Variants in NOL8 observed in about 807,000 individuals in gnomAD.
NOL8 encodes nucleolar protein 8.
Under a neutral mutation model 116.1 loss-of-function variants are expected in NOL8, and 93 were observed. The ratio of observed to expected loss-of-function variants is 0.80; its 90% CI spans 0.68 to 0.95. NOL8 has a LOEUF of 0.95. Among genes scored for constraint, NOL8 ranks in the 40% least tolerant of loss-of-function variants. The pLI is 0.00. For synonymous variants in NOL8, 419 were observed against 469.0 expected, an observed-to-expected ratio of 0.89 and a Z score of 1.38; for missense variants, 1,291 against 1,382.8, an observed-to-expected ratio of 0.93 and a Z score of 1.05.
At chr9:92,324,737 T>G (rs1004320979) in intron 1 of NOL8, 1 of 152,056 alleles carries the variant, frequency 6.6e-6, no homozygotes, top group African/African-American at 2.4e-5. Context: ...TGGCACAATA[T>G]TATGTCACAA....
intron 3 of NOL8, among the ~76,000 whole-genome samples, chr9:92,322,555 C>G (rs774255135): frequency 6.6e-6 from 1 of 152,154 alleles, no homozygotes; most frequent in Non-Finnish European, 1.5e-5. Context: ...TGGGGTTTCA[C>G]CATGTTGGCC....
Position 92,315,177 on chromosome 9 carries a change from C to T in NOL8, c.1448G>A (p.Arg483His), listed in dbSNP as rs1474243404. The change falls in exon 7 of 17, where the codon CGT (arginine) becomes CAT (histidine). Residue 483 changes from arginine (R) to histidine (H), a missense_variant. Physicochemically the swap from Arg to His is conservative, Grantham distance 29 (BLOSUM62 0). Coordinates refer to ENST00000442668, the MANE Select transcript of NOL8 (RefSeq NM_017948.6). ...EYNAMMKNCLRVNLTLADLEQ... is the reference protein window; with the variant it reads ...EYNAMMKNCLHVNLTLADLEQ... ...CAAATCAGCTAAAGTGAGATTCACA[C>T]GAAGGCAGTTTTTCATCATGGCATT... is the stretch of plus-strand genomic sequence containing the variant. 8.7e-6 allele frequency: 14 copies of T among 1,613,986 alleles called. 1 individual carries two copies. The highest frequency in any genetic ancestry group is 4.0e-5 in the African/African-American group (3 of 75,048).
At chr9:92,318,195 C>T (rs1312337834) in intron 6 of NOL8, among the ~76,000 whole-genome samples, 9 of 152,024 alleles carry the variant, frequency 5.9e-5, no homozygotes, top group Non-Finnish European at 1.0e-4. Flanking sequence ...TTTCTCAACC[C>T]ACCATCCTCG....
At position 92,323,441 on chromosome 9, in the gene NOL8, AT is replaced by A; in HGVS notation, c.201del (p.Lys67AsnfsTer6). On this transcript the variant is annotated frameshift_variant and splice_region_variant, in exon 3 of 17. Transcript: ENST00000442668. LOFTEE classifies it high-confidence loss of function. ...TATAGAAAATATATGATGATCTTAC[AT>A]TTTTTCAGGTCCGCTTCTGCTACAC... is the stretch of plus-strand genomic sequence containing the variant. ...NISVAEADLK[K>X]CMSVLNKTKW... is the part of the protein sequence containing the mutation. 1 of 1,602,300 alleles carries A rather than the reference AT, an allele frequency of 6.2e-7. No homozygotes were observed.
rs764549506 is a variant in NOL8 at position 92,315,202 on chromosome 9, T to A, written c.1423A>T (p.Asn475Tyr). The A allele has an allele frequency of 6.2e-7, 1 of 1,614,004 alleles. No individual in the cohort carries two copies. Among genetic ancestry groups the A allele is most frequent in the Non-Finnish European group, 8.5e-7 (1 of 1,179,884 alleles). ...CGAAGGCAGTTTTTCATCATGGCAT[T>A]ATACTCCTCACCTCCTTCAGAGTCA... ...LADSEGGEEY[N>Y]AMMKNCLRVN... Residue 475 changes from asparagine to tyrosine, a missense_variant, in exon 7 of 17, where the codon AAT becomes TAT. Asn to Tyr is a moderately radical substitution (Grantham distance 143). Transcript: ENST00000442668.
chr9:92,318,979 T>C, intron 5 of NOL8: 1 of 515,694 alleles, frequency 1.9e-6, no homozygotes. Flanking sequence ...CCTTGCTACC[T>C]ATGTCCCTTG....
chr9:92,312,611 G>T (rs777841483), intron 7 of NOL8, among the ~76,000 whole-genome samples: 2 of 151,434 alleles, frequency 1.3e-5, no homozygotes, highest in Non-Finnish European at 1.5e-5. Context: ...CGGATCACGT[G>T]AGGTCAGGAA....
At chr9:92,308,035 G>A (rs189782919) in intron 10 of NOL8, among the ~76,000 whole-genome samples, 45 of 152,194 alleles carry the variant, frequency 3.0e-4, no homozygotes, top group African/African-American at 1.0e-3. Context: ...TGCTGAAAAA[G>A]GCTCAAGGTG....
rs774654953 is a variant in NOL8, at chr9:92,315,469, C to T, written c.1156G>A (p.Ala386Thr). The T allele has an allele frequency of 3.1e-6, 5 of 1,601,800 alleles. No individual in the cohort carries two copies. In the South Asian group the frequency reaches 5.6e-5, roughly 18 times the overall value. Reference protein sequence around the residue: ...YDSGDTDEIIAMKKNVAKVKN... With the variant: ...YDSGDTDEIITMKKNVAKVKN... ...ACCTTAGCAACATTTTTTTTCATCGCAATAATTTCATCTGTATCTCCTGAG... is the reference window on the plus strand; with the variant it reads ...ACCTTAGCAACATTTTTTTTCATCGTAATAATTTCATCTGTATCTCCTGAG... The change falls in exon 7 of 17, where the codon GCG (alanine) becomes ACG (threonine). Residue 386 changes from alanine to threonine, a missense_variant. Coordinates refer to ENST00000442668, the MANE Select transcript of NOL8 (RefSeq NM_017948.6).
At position 92,314,670 on chromosome 9, in the gene NOL8, T is replaced by A. The variant is rs1402067870; in HGVS notation, c.1955A>T (p.Glu652Val). ...GGACACTGCCTTGCGATCCTGGCTTTCAAAAGTGGTCTGTCTTTTTTGAGG... is the reference window on the plus strand; with the variant it reads ...GGACACTGCCTTGCGATCCTGGCTTACAAAAGTGGTCTGTCTTTTTTGAGG... ...IQPQKRQTTF[E>V]SQDRKAVSPS... Residue 652 changes from glutamate to valine, a missense_variant, in exon 7 of 17, where the codon GAA (glutamate) becomes GTA (valine). Coordinates refer to ENST00000442668, the MANE Select transcript of NOL8 (RefSeq NM_017948.6). 1.9e-6 allele frequency: 3 copies of A among 1,613,664 alleles called. No homozygotes were observed. Among genetic ancestry groups the A allele is most frequent in the Non-Finnish European group, 2.5e-6 (3 of 1,179,792 alleles).
chr9:92,307,018 TTTACCTC>T lies in NOL8; in HGVS notation c.2687-1_2692del. The T allele has an allele frequency of 6.2e-7, 1 of 1,608,606 alleles. No individual in the cohort carries two copies. Among genetic ancestry groups the T allele is most frequent in the Non-Finnish European group, 8.5e-7 (1 of 1,178,868 alleles). On this transcript the variant is annotated splice_acceptor_variant and coding_sequence_variant, in exon 11 of 17. Coordinates refer to ENST00000442668, the MANE Select transcript of NOL8 (RefSeq NM_017948.6). LOFTEE classifies it high-confidence loss of function. Reference sequence around the variant, plus strand: ...TTCTTCCTCAGCAGTTTTCTTTTCATTTACCTCTTTGAGGAAAAGGGATAATTAATAC... The same window carrying T: ...TTCTTCCTCAGCAGTTTTCTTTTCATTTTGAGGAAAAGGGATAATTAATAC...
intron 7 of NOL8, among the ~76,000 whole-genome samples, chr9:92,313,909 T>C (rs1431910609): frequency 1.3e-5 from 2 of 152,226 alleles, no homozygotes; most frequent in Non-Finnish European, 2.9e-5. Context: ...CCTCATACTA[T>C]AAATCTGGCA....
chr9:92,324,326 T>C, intron 1 of NOL8, 117 bp from the exon 2 acceptor site: 1 of 831,030 alleles, frequency 1.2e-6, no homozygotes, highest in East Asian at 2.6e-5. Context: ...CTTCCTATTG[T>C]ATTACTTCCA....
chr9:92,318,545 AGT>A, intron 6 of NOL8, 71 bp downstream of exon 6: 1 of 1,050,642 alleles, frequency 9.5e-7, no homozygotes, highest in Non-Finnish European at 1.4e-6. Context: ...GATAAGAGAC[AGT>A]GAAATGCTAA....
intron 3 of NOL8, among the ~76,000 whole-genome samples, chr9:92,322,238 T>C (rs1399588837): frequency 6.6e-6 from 1 of 152,244 alleles, no homozygotes; most frequent in African/African-American, 2.4e-5. Flanking sequence ...ATGAATTAAC[T>C]ATGAGTGACT....
In NOL8 at chr9:92,305,961, A is replaced by G. The variant is rs550873116; in HGVS notation, c.2826-131T>C. 1.6e-4 allele frequency: 100 copies of G among 634,834 alleles called. 1 individual carries two copies. The African/African-American group carries it at 1.6e-3, about 10-fold the overall frequency. 39.3% of individuals were successfully genotyped at this position (634,834 alleles called of 1,614,324 possible). A position where few individuals can be genotyped will look rare whatever the true frequency, so the allele number is the denominator to read the frequency against. On this transcript the variant is annotated intron_variant, in intron 11 of 16. Coordinates refer to ENST00000442668, the MANE Select transcript of NOL8 (RefSeq NM_017948.6). ...GCAAGAAGAAGCCATATAACATCAG[A>G]TAAGATAACTAGGATCTTACTAGAA...
Position 92,301,696 on chromosome 9 carries a change from C to T in NOL8, c.3030G>A (p.Lys1010=), listed in dbSNP as rs1554735997. ...CCTCATTCCAGGGTGTGCCCTCTTCCTTTTCACTGGTATATTTTGTAGTTT... is the reference window on the plus strand; with the variant it reads ...CCTCATTCCAGGGTGTGCCCTCTTCTTTTTCACTGGTATATTTTGTAGTTT... The part of the protein sequence containing the change: ...IFQTTKYTSE[K]EEGTPWNEDC... The change falls in exon 13 of 17, where the codon AAG becomes AAA. Residue 1010 remains lysine, a synonymous_variant. Coordinates refer to ENST00000442668, the MANE Select transcript of NOL8 (RefSeq NM_017948.6). 9 of 1,607,706 alleles carry T rather than the reference C, an allele frequency of 5.6e-6. No homozygotes were observed. The Admixed American group carries it at 1.4e-4, about 24-fold the overall frequency.
chr9:92,303,542 A>G (rs1222706935), intron 12 of NOL8, among the ~76,000 whole-genome samples: 1 of 152,232 alleles, frequency 6.6e-6, no homozygotes, highest in East Asian at 1.9e-4. Context: ...CTGGCCTGCA[A>G]AGTCTTATCT....
intron 10 of NOL8, among the ~76,000 whole-genome samples, chr9:92,307,286 C>G (rs1255862066): frequency 3.3e-5 from 5 of 152,118 alleles, no homozygotes; most frequent in Non-Finnish European, 7.4e-5. Context: ...AGTAGCAAGT[C>G]TAAAACTTTT....
Sources: gnomAD v4.1 joint callset for allele counts (sites outside exome capture counted in the v4.1 genomes callset) on GRCh38, gnomAD v4.1.1 for gene constraint, MANE v1.5 for transcripts, NCBI Gene and HGNC (gene_info 2026-07-23, HGNC 2026-07-21) for gene names.